The following CEP126 variants were observed in gnomAD, a reference collection of about 807,000 sequenced individuals.
The protein encoded by CEP126 is centrosomal protein of 126 kDa.
Under a neutral mutation model 107.8 loss-of-function variants are expected in CEP126, and 74 were observed. The ratio of observed to expected loss-of-function variants is 0.69; its 90% CI spans 0.57 to 0.83. CEP126 has a LOEUF of 0.83. CEP126 is among the 40% of genes least tolerant of loss of function. The pLI is 0.00. For missense variants in CEP126, 1,237 were observed against 1,281.9 expected, an observed-to-expected ratio of 0.96 and a Z score of 0.53; for synonymous variants, 449 against 446.0, an observed-to-expected ratio of 1.01 and a Z score of -0.08.
chr11:101,927,942 G>T (rs1940436581), intron 2 of CEP126, among the ~76,000 whole-genome samples: 2 of 152,154 alleles, frequency 1.3e-5, no homozygotes, highest in South Asian at 2.1e-4. Context: ...AGGTCATATG[G>T]TAGTTGCCCA....
intron 2 of CEP126, among the ~76,000 whole-genome samples, chr11:101,928,220 T>C (rs1940439589): frequency 6.6e-6 from 1 of 152,204 alleles, no homozygotes. Context: ...GTTTGCTCTT[T>C]TATTATTGAG....
chr11:101,988,988 T>A (rs1941344982), intron 9 of CEP126, among the ~76,000 whole-genome samples: 1 of 152,142 alleles, frequency 6.6e-6, no homozygotes. Context: ...AAAAATTGAC[T>A]ATGATTAACA....
chr11:101,925,996 T>C (rs907060477), intron 2 of CEP126, among the ~76,000 whole-genome samples: 1 of 151,876 alleles, frequency 6.6e-6, no homozygotes, highest in Non-Finnish European at 1.5e-5. Context: ...TTGGAAGTTA[T>C]CTTTGACTAT....
intron 9 of CEP126, among the ~76,000 whole-genome samples, chr11:101,990,201 C>T (rs1941362059): frequency 6.6e-6 from 1 of 152,146 alleles, no homozygotes; most frequent in African/African-American, 2.4e-5. Context: ...TGGATCTACA[C>T]TGAGTGTGTG....
rs1398023523 is a variant in CEP126 at position 101,962,784 on chromosome 11, T to C, written c.1749T>C (p.Ser583=). 6.2e-7 allele frequency: 1 copy of C among 1,603,364 alleles called. No individual in the cohort carries two copies. The highest frequency in any genetic ancestry group is 8.5e-7 in the Non-Finnish European group (1 of 1,176,754). Reference sequence around the variant, plus strand: ...TTAAAAGTATTTTAAAGAAAGAATCTAAATATGAACATGGTTATCTTAAGG... The same window carrying C: ...TTAAAAGTATTTTAAAGAAAGAATCCAAATATGAACATGGTTATCTTAAGG... ...RFLKSILKKE[S]KYEHGYLKAL... The change falls in exon 6 of 11, where the codon TCT becomes TCC. Residue 583 remains serine, a synonymous_variant. Transcript: ENST00000263468.
chr11:101,964,765 T>A (rs1284475050), intron 6 of CEP126, among the ~76,000 whole-genome samples: 2 of 152,208 alleles, frequency 1.3e-5, no homozygotes, highest in African/African-American at 4.8e-5. Context: ...ACTTTTCCTG[T>A]TAGTTTAAGA....
At chr11:101,928,856 G>A (rs1940449472) in intron 2 of CEP126, among the ~76,000 whole-genome samples, 1 of 152,006 alleles carries the variant, frequency 6.6e-6, no homozygotes, top group African/African-American at 2.4e-5. Context: ...AATTGTTTTA[G>A]GTGTTCTAAT....
chr11:101,953,301 T>C (rs1215557806), intron 4 of CEP126, among the ~76,000 whole-genome samples: 3 of 152,190 alleles, frequency 2.0e-5, no homozygotes, highest in Non-Finnish European at 2.9e-5. Context: ...CCATAATCAA[T>C]GTGCCTTGTA....
intron 1 of CEP126, among the ~76,000 whole-genome samples, chr11:101,916,875 C>G (rs868128938): frequency 3.9e-5 from 6 of 151,912 alleles, no homozygotes; most frequent in Middle Eastern, 6.8e-3. Context: ...TGAACACAAC[C>G]AAATAGACTC....
At chr11:101,972,425 C>CA (rs972826654) in intron 6 of CEP126, among the ~76,000 whole-genome samples, 27 of 145,888 alleles carry the variant, frequency 1.9e-4, no homozygotes, top group African/African-American at 3.6e-4. Context: ...GACTCCGTCT[C>CA]AAAAAAAACA....
chr11:101,953,371 T>C (rs1940838666), intron 4 of CEP126, among the ~76,000 whole-genome samples: 1 of 152,084 alleles, frequency 6.6e-6, no homozygotes, highest in African/African-American at 2.4e-5. Context: ...AACTCAAAGT[T>C]GAATTGGTCC....
intron 2 of CEP126, among the ~76,000 whole-genome samples, chr11:101,940,482 C>T (rs1253178385): frequency 1.3e-5 from 2 of 152,156 alleles, no homozygotes; most frequent in Non-Finnish European, 2.9e-5. Context: ...TCATTTGCTT[C>T]TATATAACAA....
In CEP126 at chr11:101,936,647, G is replaced by A. The variant is rs766846654; in HGVS notation, c.249-7618G>A. On this transcript the variant is annotated intron_variant, in intron 2 of 10. Coordinates refer to ENST00000263468, the MANE Select transcript of CEP126 (RefSeq NM_020802.4). ...TAACCCTCTTTGCCTTATACCTTTT[G>A]GGGGAAGTATTTACTATTTCACCAT... 1.2e-4 allele frequency among the ~76,000 whole-genome samples: 18 copies of A among 152,160 alleles called. No individual in the cohort carries two copies. In the East Asian group the frequency reaches 3.5e-3, roughly 29 times the overall value.
At chr11:101,972,063 A>T (rs1056527109) in intron 6 of CEP126, among the ~76,000 whole-genome samples, 1 of 151,624 alleles carries the variant, frequency 6.6e-6, no homozygotes, top group Non-Finnish European at 1.5e-5. Flanking sequence ...AGCCAAGAAC[A>T]TGCCACTGCA....
chr11:101,952,546 T>C (rs953598129), intron 4 of CEP126, among the ~76,000 whole-genome samples: 4 of 152,068 alleles, frequency 2.6e-5, no homozygotes, highest in African/African-American at 4.8e-5. Flanking sequence ...AGAGATTAGA[T>C]TTGGTCAGTG....
At chr11:101,958,421 C>T (rs1940929196) in intron 5 of CEP126, 55 bp downstream of exon 5, 2 of 1,489,620 alleles carry the variant, frequency 1.3e-6, no homozygotes, top group South Asian at 1.2e-5. Context: ...TAATTTTGCT[C>T]CACTTTTGCA....
At chr11:101,959,522 A>G (rs796773794) in intron 5 of CEP126, among the ~76,000 whole-genome samples, 9 of 152,204 alleles carry the variant, frequency 5.9e-5, no homozygotes, top group South Asian at 2.1e-4. Flanking sequence ...TCAGCATTCA[A>G]TCAAAACTTA....
rs190597054 is a variant in CEP126 at position 101,965,635 on chromosome 11, G to A, written c.2845+1755G>A. Among the ~76,000 whole-genome samples the A allele has an allele frequency of 6.6e-5, 10 of 152,192 alleles. 1 individual carries two copies. The South Asian group carries it at 8.3e-4, about 13-fold the overall frequency. On this transcript the variant is annotated intron_variant, in intron 6 of 10. Transcript: ENST00000263468. ...AACACTTCAAAAAAATGAAGGTATC[G>A]TACAGATTAAATATTCTAAAATAAA...
At chr11:101,915,907 C>G (rs1940201549) in intron 1 of CEP126, 1 of 152,408 alleles carries the variant, frequency 6.6e-6, no homozygotes, top group African/African-American at 2.4e-5. Context: ...TTTTCCATCT[C>G]TGCCCAGTCT....
Sources: gnomAD v4.1 joint callset for allele counts (sites outside exome capture counted in the v4.1 genomes callset) on GRCh38, gnomAD v4.1.1 for gene constraint, MANE v1.5 for transcripts, NCBI Gene and HGNC (gene_info 2026-07-23, HGNC 2026-07-21) for gene names.